Variants in CACNA1H observed in about 807,000 individuals in gnomAD.
CACNA1H encodes the protein calcium voltage-gated channel subunit alpha1 H.
In CACNA1H, 149 loss-of-function variants were observed where a neutral mutation model predicts 192.5. That is an observed-to-expected ratio of 0.77 (90% confidence interval 0.68 to 0.89). The LOEUF is 0.89. Ranked by LOEUF, CACNA1H falls within the 40% of genes least tolerant of loss-of-function variation. CACNA1H has a pLI of 0.00. For missense variants in CACNA1H, 4,257 were observed against 3,423.5 expected, an observed-to-expected ratio of 1.24 and a Z score of -6.08; for synonymous variants, 2,202 against 1,475.2, an observed-to-expected ratio of 1.49 and a Z score of -11.29.
At chr16:1,155,200 C>T (rs1396285092) in intron 2 of CACNA1H, among the ~76,000 whole-genome samples, 1 of 152,236 alleles carries the variant, frequency 6.6e-6, no homozygotes, top group Admixed American at 6.5e-5. Flanking sequence ...CTCATCTCTG[C>T]TTGTAGAGGA....
At position 1,205,120 on chromosome 16, in the gene CACNA1H, G is replaced by A. The variant is rs868756105; in HGVS notation, c.2458G>A (p.Glu820Lys). The change falls in exon 11 of 35, where the codon GAG becomes AAG. Residue 820 changes from glutamate to lysine, a missense_variant. Physicochemically the swap from Glu to Lys is moderately conservative, Grantham distance 56. Coordinates refer to ENST00000348261, the MANE Select transcript of CACNA1H (RefSeq NM_021098.3). The stretch of plus-strand genomic sequence containing the variant: ...TCCCCACCTCTGCCTGCAGCCCGAG[G>A]AGCTGACTAATGCTCTGGAGATCAG... Reference protein sequence around the residue: ...MGVEYHEQPEELTNALEISNI... With the variant: ...MGVEYHEQPEKLTNALEISNI... 5 of 1,611,574 alleles carry A rather than the reference G, an allele frequency of 3.1e-6. No individual in the cohort carries two copies. Among genetic ancestry groups the A allele is most frequent in the African/African-American group, 1.3e-5 (1 of 74,910 alleles).
At chr16:1,182,688 C>G (rs1040964415) in intron 2 of CACNA1H, among the ~76,000 whole-genome samples, 1 of 152,148 alleles carries the variant, frequency 6.6e-6, no homozygotes, top group African/African-American at 2.4e-5. Context: ...CATTGAGACT[C>G]AGAGCAGACT....
At position 1,172,380 on chromosome 16, in the gene CACNA1H, C is replaced by T. The variant is rs1411061584; in HGVS notation, c.299+18344C>T. ...TCTACCTGGGCCCCTCTCACGCCGTCCCTAGGCTGCCCCCAGGCGTCCTCC... is the reference window on the plus strand; with the variant it reads ...TCTACCTGGGCCCCTCTCACGCCGTTCCTAGGCTGCCCCCAGGCGTCCTCC... On this transcript the variant is annotated intron_variant, in intron 2 of 34. Coordinates refer to ENST00000348261, the MANE Select transcript of CACNA1H (RefSeq NM_021098.3). Among the ~76,000 whole-genome samples, 5 of 152,298 alleles carry T rather than the reference C, an allele frequency of 3.3e-5. No individual in the cohort carries two copies. In the East Asian group the frequency reaches 9.7e-4, roughly 30 times the overall value.
At chr16:1,159,372 C>T (rs1962878178) in intron 2 of CACNA1H, among the ~76,000 whole-genome samples, 1 of 152,044 alleles carries the variant, frequency 6.6e-6, no homozygotes, top group Non-Finnish European at 1.5e-5. Context: ...GGAAGAACGT[C>T]CAGGCAGGGG....
intron 2 of CACNA1H, among the ~76,000 whole-genome samples, chr16:1,163,379 C>T (rs1963424582): frequency 6.6e-6 from 1 of 152,222 alleles, no homozygotes; most frequent in African/African-American, 2.4e-5. Flanking sequence ...ACCTCGTGCT[C>T]CCGGGAGGGG....
intron 2 of CACNA1H, among the ~76,000 whole-genome samples, chr16:1,182,460 G>C (rs1019615651): frequency 6.6e-6 from 1 of 152,110 alleles, no homozygotes; most frequent in Non-Finnish European, 1.5e-5. Context: ...GCTCTCCCAC[G>C]GGCAGCCCAG....
chr16:1,217,278 C>T (rs532558885), intron 31 of CACNA1H, among the ~76,000 whole-genome samples: 67 of 152,330 alleles, frequency 4.4e-4, no homozygotes, highest in Admixed American at 7.2e-4. Flanking sequence ...GCCTGCCACA[C>T]GTGAGGGGAA....
chr16:1,188,645 C>T (rs933907676), intron 2 of CACNA1H, among the ~76,000 whole-genome samples: 13 of 152,216 alleles, frequency 8.5e-5, no homozygotes, highest in Non-Finnish European at 1.0e-4. Context: ...GAGAAAACGG[C>T]GCCTTCAGAG....
intron 2 of CACNA1H, among the ~76,000 whole-genome samples, chr16:1,158,606 ATGGACT>A (rs1202799268): frequency 7.9e-5 from 12 of 152,178 alleles, no homozygotes. Context: ...GGCTACCCCG[ATGGACT>A]CGGGACTCAG....
chr16:1,163,085 T>C (rs552689760), intron 2 of CACNA1H, among the ~76,000 whole-genome samples: 1 of 152,350 alleles, frequency 6.6e-6, no homozygotes, highest in East Asian at 1.9e-4. Flanking sequence ...TCACCCAGCC[T>C]CTCTGTTCTG....
chr16:1,175,541 A>G (rs777099492), intron 2 of CACNA1H, among the ~76,000 whole-genome samples: 1 of 152,016 alleles, frequency 6.6e-6, no homozygotes, highest in Non-Finnish European at 1.5e-5. Flanking sequence ...CACCCACTCT[A>G]GGTCCCCGTC....
Position 1,211,817 on chromosome 16 carries a change from C to G in CACNA1H, c.4566+12C>G, listed in dbSNP as rs758798757. Reference sequence around the variant, plus strand: ...GTGTCGACCAGCAGGTGCGCACAGGCGGGTCGAGCTGGGTCACCTCAGGGT... The same window carrying G: ...GTGTCGACCAGCAGGTGCGCACAGGGGGGTCGAGCTGGGTCACCTCAGGGT... On this transcript the variant is annotated intron_variant, in intron 24 of 34. Transcript: ENST00000348261. 2 of 1,611,822 alleles carry G rather than the reference C, an allele frequency of 1.2e-6. No homozygotes were observed. Among genetic ancestry groups the G allele is most frequent in the Admixed American group, 3.3e-5 (2 of 60,014 alleles).
At position 1,208,079 on chromosome 16, in the gene CACNA1H, C is replaced by T. The variant is rs1288170321; in HGVS notation, c.3221C>T (p.Pro1074Leu). ...GHLEGRGSLS[P>L]PLIMCTAATP... ...CTGGAGGGACGAGGCAGCCTGTCCC[C>T]TCCCCTCATCATGTGCACAGCTGCC... Residue 1074 changes from proline (P) to leucine (L), a missense_variant, in exon 16 of 35, where the codon CCT becomes CTT. Pro to Leu is a moderately conservative substitution (Grantham distance 98, BLOSUM62 -3). Transcript: ENST00000348261. 1 of 1,602,022 alleles carries T rather than the reference C, an allele frequency of 6.2e-7. No homozygotes were observed.
chr16:1,211,386 G>A, intron 22 of CACNA1H, 92 bp downstream of exon 22: 1 of 1,606,702 alleles, frequency 6.2e-7, no homozygotes. Flanking sequence ...TGCGGGACGG[G>A]GAGGGACAGC....
At chr16:1,213,288 T>A (rs1313003653) in intron 26 of CACNA1H, among the ~76,000 whole-genome samples, 1 of 152,202 alleles carries the variant, frequency 6.6e-6, no homozygotes. Context: ...GGAGTGGGGC[T>A]GCCCTGCCCA....
intron 2 of CACNA1H, among the ~76,000 whole-genome samples, chr16:1,171,803 C>G (rs1567451951): frequency 6.6e-6 from 1 of 152,222 alleles, no homozygotes; most frequent in Admixed American, 6.5e-5. Flanking sequence ...GACACTACCC[C>G]CAACTCGGCT....
At chr16:1,188,681 C>T (rs1966302063) in intron 2 of CACNA1H, among the ~76,000 whole-genome samples, 1 of 152,196 alleles carries the variant, frequency 6.6e-6, no homozygotes, top group South Asian at 2.1e-4. Context: ...CTGGGAAGAG[C>T]AGTTTGGGAG....
intron 2 of CACNA1H, among the ~76,000 whole-genome samples, chr16:1,173,721 C>G (rs941544380): frequency 6.6e-6 from 1 of 152,206 alleles, no homozygotes; most frequent in African/African-American, 2.4e-5. Flanking sequence ...CCCCGGCCGC[C>G]GTGCTGAGAA....
At position 1,219,032 on chromosome 16, in the gene CACNA1H, G is replaced by A. The variant is rs761696834; in HGVS notation, c.5950G>A (p.Ala1984Thr). Residue 1984 changes from alanine (A) to threonine (T), a missense_variant, in exon 34 of 35, where the codon GCT becomes ACT. Coordinates refer to ENST00000348261, the MANE Select transcript of CACNA1H (RefSeq NM_021098.3). ...CTGTGCCTCCCTCCAGATCCCATTG[G>A]CTGTGTCGTCCCCAGCCAGGAGCGG... is the stretch of plus-strand genomic sequence containing the variant. ...ESCASLQIPL[A>T]VSSPARSGEP... 35 of 1,549,972 alleles carry A rather than the reference G, an allele frequency of 2.3e-5. No individual in the cohort carries two copies. Among genetic ancestry groups the A allele is most frequent in the Middle Eastern group, 3.3e-4 (2 of 6,006 alleles).
Sources: allele counts gnomAD v4.1 joint callset (sites outside exome capture counted in the v4.1 genomes callset), GRCh38; gene constraint gnomAD v4.1.1; transcripts MANE v1.5; gene names NCBI Gene and HGNC (gene_info 2026-07-23, HGNC 2026-07-21).